The following CATSPERE variants were observed in gnomAD, a reference collection of about 807,000 sequenced individuals.
CATSPERE encodes the protein catsper channel auxiliary subunit epsilon, also known as cation channel sperm-associated auxiliary subunit epsilon.
In CATSPERE, 93 loss-of-function variants were observed where a neutral mutation model predicts 114.1. That is an observed-to-expected ratio of 0.81 (90% CI 0.69 to 0.97). The LOEUF (loss-of-function observed/expected upper bound fraction) is 0.97, where lower values mean the gene tolerates loss of function less well. Ranked by LOEUF, CATSPERE falls within the 50% of genes least tolerant of loss-of-function variation. The pLI, the probability that CATSPERE is intolerant of heterozygous loss-of-function variation, is 0.00. For synonymous variants in CATSPERE, 341 were observed against 384.1 expected, an observed-to-expected ratio of 0.89 and a Z score of 1.31; for missense variants, 1,058 against 1,131.6, an observed-to-expected ratio of 0.93 and a Z score of 0.93.
chr1:244,511,852 C>T (rs1035520707), intron 7 of CATSPERE, among the ~76,000 whole-genome samples: 2 of 152,160 alleles, frequency 1.3e-5, no homozygotes, highest in Non-Finnish European at 2.9e-5. Context: ...AGAACTTTGA[C>T]TGTATCATCT....
chr1:244,488,176 A>C (rs943052495), intron 5 of CATSPERE, among the ~76,000 whole-genome samples: 1 of 152,124 alleles, frequency 6.6e-6, no homozygotes, highest in Non-Finnish European at 1.5e-5. Flanking sequence ...TCCCACTACT[A>C]TCTCTCTGTC....
At chr1:244,512,142 G>C (rs890062457) in intron 7 of CATSPERE, among the ~76,000 whole-genome samples, 11 of 152,114 alleles carry the variant, frequency 7.2e-5, no homozygotes, top group African/African-American at 2.7e-4. Flanking sequence ...CTATGTGTTT[G>C]CCTGTCTCTC....
At chr1:244,570,415 C>T (rs1474478809) in intron 10 of CATSPERE, among the ~76,000 whole-genome samples, 1 of 151,964 alleles carries the variant, frequency 6.6e-6, no homozygotes, top group African/African-American at 2.4e-5. Context: ...AATTTAATTT[C>T]TGCTTTTGTC....
At chr1:244,464,205 G>A (rs1667241801) in intron 2 of CATSPERE, among the ~76,000 whole-genome samples, 1 of 152,146 alleles carries the variant, frequency 6.6e-6, no homozygotes, top group Non-Finnish European at 1.5e-5. Context: ...TATTATATAG[G>A]TAGGATAACC....
At chr1:244,523,147 T>C (rs1677888993) in intron 8 of CATSPERE, among the ~76,000 whole-genome samples, 1 of 148,976 alleles carries the variant, frequency 6.7e-6, no homozygotes, top group South Asian at 2.1e-4. Context: ...CATGATCGAG[T>C]GGGCTTCATC....
At chr1:244,572,309 A>G in intron 10 of CATSPERE, 21 bp from the exon 11 acceptor site, 1 of 1,234,894 alleles carries the variant, frequency 8.1e-7, no homozygotes, top group Non-Finnish European at 1.1e-6. Flanking sequence ...AGACTAACAC[A>G]AACTTTTCTC....
At chr1:244,468,088 G>GTTTTTTTTTTTTTTT (rs537042738) in intron 2 of CATSPERE, among the ~76,000 whole-genome samples, 1 of 141,832 alleles carries the variant, frequency 7.1e-6, no homozygotes, top group Non-Finnish European at 1.5e-5. Flanking sequence ...CCATTTTATT[G>GTTTTTTTTTTTTTTT]TTTTTTTTTT....
intron 7 of CATSPERE, among the ~76,000 whole-genome samples, chr1:244,514,493 G>A (rs1007955647): frequency 3.3e-5 from 5 of 152,056 alleles, no homozygotes; most frequent in Non-Finnish European, 4.4e-5. Context: ...GTGAATCTAC[G>A]CATGTGATAA....
intron 11 of CATSPERE, among the ~76,000 whole-genome samples, chr1:244,574,799 C>A (rs1664993835): frequency 6.6e-6 from 1 of 152,178 alleles, no homozygotes; most frequent in South Asian, 2.1e-4. Flanking sequence ...TTCTAAGAAA[C>A]TTAACAAACT....
intron 5 of CATSPERE, among the ~76,000 whole-genome samples, chr1:244,483,246 A>G (rs1183603017): frequency 1.3e-5 from 2 of 152,238 alleles, no homozygotes; most frequent in Non-Finnish European, 2.9e-5. Context: ...AATAATATGC[A>G]CTTTAAGAAG....
In CATSPERE at chr1:244,492,004, C is replaced by T. The variant is rs186598219; in HGVS notation, c.351+1533C>T. On this transcript the variant is annotated intron_variant, in intron 6 of 21. Transcript: ENST00000366534. ...GACCAGATGGATTCACAGCCCAATTCTACCTGAGGTACAAGGAGGAGCTGG... is the reference window on the plus strand; with the variant it reads ...GACCAGATGGATTCACAGCCCAATTTTACCTGAGGTACAAGGAGGAGCTGG... Among the ~76,000 whole-genome samples, 894 of 152,318 alleles carry T rather than the reference C, an allele frequency of 5.9e-3. 13 individuals carry two copies. Among genetic ancestry groups the T allele is most frequent in the Non-Finnish European group, 7.3e-3 (494 of 68,032 alleles).
At chr1:244,551,466 A>C (rs900492834) in intron 8 of CATSPERE, among the ~76,000 whole-genome samples, 1 of 152,236 alleles carries the variant, frequency 6.6e-6, no homozygotes, top group South Asian at 2.1e-4. Flanking sequence ...AGAGAAGAAA[A>C]CATACTCATA....
chr1:244,616,123 C>T (rs1242111330), intron 19 of CATSPERE, among the ~76,000 whole-genome samples: 7 of 152,004 alleles, frequency 4.6e-5, no homozygotes, highest in South Asian at 2.1e-4. Flanking sequence ...AGCGAGACTC[C>T]ATCCCTAAAA....
At chr1:244,625,372 T>G (rs989121969) in intron 20 of CATSPERE, among the ~76,000 whole-genome samples, 42 of 132,558 alleles carry the variant, frequency 3.2e-4, no homozygotes, top group African/African-American at 1.2e-3. Context: ...TATTTATTTA[T>G]TTTTTACTTT....
At chr1:244,451,989 C>G (rs1665640006), upstream of CATSPERE, 6 of 633,278 alleles carry the variant, frequency 9.5e-6, no homozygotes, top group Non-Finnish European at 1.5e-5. The surrounding 1 kb of genome is among the most constrained non-coding windows in gnomAD (Gnocchi z 6.6). Flanking sequence ...CGCTCTCCGC[C>G]ACAGCCCGCT....
intron 20 of CATSPERE, among the ~76,000 whole-genome samples, chr1:244,621,797 A>G (rs1331721646): frequency 1.3e-5 from 2 of 152,222 alleles, no homozygotes; most frequent in Admixed American, 6.5e-5. Flanking sequence ...ATTTCTAAAA[A>G]TGAAAAATAT....
At position 244,560,697 on chromosome 1, in the gene CATSPERE, C is replaced by T; in HGVS notation, c.1059C>T (p.Val353=). 3 of 1,611,688 alleles carry T rather than the reference C, an allele frequency of 1.9e-6. No homozygotes were observed. The highest frequency in any genetic ancestry group is 2.5e-6 in the Non-Finnish European group (3 of 1,179,056). ...KAKGRRSTFA[V]WTENEIYLGS... is the part of the protein sequence containing the mutation. ...AAGGAAGAAGAAGCACCTTTGCAGT[C>T]TGGACAGAAAATGAAATTTACCTCG... is the stretch of plus-strand genomic sequence containing the variant. The change falls in exon 10 of 22, where the codon GTC becomes GTT. Residue 353 remains valine (V), a synonymous_variant. Coordinates refer to ENST00000366534, the MANE Select transcript of CATSPERE (RefSeq NM_001130957.2).
At chr1:244,468,733 A>C (rs570105349) in intron 2 of CATSPERE, among the ~76,000 whole-genome samples, 1 of 152,278 alleles carries the variant, frequency 6.6e-6, no homozygotes, top group South Asian at 2.1e-4. Flanking sequence ...AGCCTGGGCA[A>C]CATGGCCAGA....
intron 8 of CATSPERE, among the ~76,000 whole-genome samples, chr1:244,519,759 A>C (rs965059318): frequency 6.6e-6 from 1 of 152,226 alleles, no homozygotes; most frequent in Admixed American, 6.5e-5. Context: ...AATACAAACT[A>C]TTGTAAAATA....
Sources: gnomAD v4.1 joint callset for allele counts (sites outside exome capture counted in the v4.1 genomes callset) on GRCh38, gnomAD v4.1.1 for gene constraint, Gnocchi (gnomAD v3.1) non-coding constraint, MANE v1.5 for transcripts, NCBI Gene and HGNC (gene_info 2026-07-23, HGNC 2026-07-21) for gene names.